The following CHCHD3 variants were observed in gnomAD, a reference collection of about 807,000 sequenced individuals.
The protein encoded by CHCHD3 is MICOS complex subunit MIC19.
Under a neutral mutation model 38.2 loss-of-function variants are expected in CHCHD3, and 20 were observed. The ratio of observed to expected loss-of-function variants is 0.52; its 90% CI spans 0.37 to 0.76. The LOEUF (loss-of-function observed/expected upper bound fraction) is 0.76. Among genes scored for constraint, CHCHD3 ranks in the 30% least tolerant of loss-of-function variants. The pLI is 0.00. For synonymous variants in CHCHD3, 82 were observed against 100.0 expected (o/e 0.82, Z 1.07); for missense variants, 245 against 279.2 (o/e 0.88, Z 0.87).
intron 3 of CHCHD3, among the ~76,000 whole-genome samples, chr7:132,986,008 T>C (rs907292005): frequency 2.6e-5 from 4 of 151,530 alleles, no homozygotes; most frequent in African/African-American, 4.9e-5. Flanking sequence ...GGTTGCCATG[T>C]CTGTGTAGAA....
intron 4 of CHCHD3, among the ~76,000 whole-genome samples, chr7:132,907,856 C>T (rs1421613776): frequency 6.6e-6 from 1 of 151,932 alleles, no homozygotes; most frequent in African/African-American, 2.4e-5. Context: ...TTCTACCAGC[C>T]CTTTCTAAAT....
At chr7:133,034,738 C>T (rs1489298934) in intron 2 of CHCHD3, 5 of 1,613,386 alleles carry the variant, frequency 3.1e-6, no homozygotes, top group Admixed American at 1.7e-5. Flanking sequence ...GTGTATGACT[C>T]GTAGTCCACC....
chr7:132,855,744 T>C (rs1808330212), intron 5 of CHCHD3, among the ~76,000 whole-genome samples: 1 of 152,100 alleles, frequency 6.6e-6, no homozygotes, highest in Admixed American at 6.6e-5. Context: ...GTCCAGCTTC[T>C]ATTTGGTGGC....
chr7:133,070,365 A>C (rs1443019296), intron 1 of CHCHD3, 136 bp from the exon 2 acceptor site: 4 of 653,758 alleles, frequency 6.1e-6, no homozygotes, highest in Non-Finnish European at 1.1e-5. Flanking sequence ...TAAATCTAAC[A>C]GCCATAAAAC....
At chr7:132,992,199 C>A (rs186263675) in intron 3 of CHCHD3, among the ~76,000 whole-genome samples, 2 of 152,206 alleles carry the variant, frequency 1.3e-5, no homozygotes, top group Non-Finnish European at 2.9e-5. Flanking sequence ...AGCAGCAGCA[C>A]TTGCTCCTGC....
intron 4 of CHCHD3, among the ~76,000 whole-genome samples, chr7:132,938,397 C>G (rs58781706): frequency 0.051 from 7,780 of 152,136 alleles, 426 homozygotes; most frequent in African/African-American, 0.13. Context: ...CCCAAATGAA[C>G]ACGTAATACA....
intron 5 of CHCHD3, among the ~76,000 whole-genome samples, chr7:132,843,256 T>TCA (rs1361173125): frequency 6.6e-6 from 1 of 151,880 alleles, no homozygotes. Context: ...TGCTTCAGAG[T>TCA]CACTTATGGA....
chr7:133,012,553 T>C (rs542126680), intron 3 of CHCHD3, among the ~76,000 whole-genome samples: 7 of 152,094 alleles, frequency 4.6e-5, no homozygotes, highest in Middle Eastern at 6.8e-3. Flanking sequence ...GGCTTGAGCC[T>C]AAGAGTTCGA....
At chr7:133,027,747 C>A (rs1038348603) in intron 2 of CHCHD3, among the ~76,000 whole-genome samples, 1 of 151,944 alleles carries the variant, frequency 6.6e-6, no homozygotes, top group Non-Finnish European at 1.5e-5. Flanking sequence ...CTTAGGAAAC[C>A]CCTAGAACAG....
chr7:133,049,365 C>T (rs1028810912), intron 2 of CHCHD3, among the ~76,000 whole-genome samples: 5 of 152,202 alleles, frequency 3.3e-5, no homozygotes, highest in Admixed American at 2.6e-4. Flanking sequence ...GGAAAGAAAT[C>T]TGATTCAGAT....
At chr7:132,996,738 C>T (rs571069222) in intron 3 of CHCHD3, among the ~76,000 whole-genome samples, 1 of 152,256 alleles carries the variant, frequency 6.6e-6, no homozygotes, top group South Asian at 2.1e-4. Flanking sequence ...GAAGAGGCAG[C>T]GGTGCGATGC....
intron 4 of CHCHD3, among the ~76,000 whole-genome samples, chr7:132,905,637 C>T (rs1809783663): frequency 6.6e-6 from 1 of 152,100 alleles, no homozygotes; most frequent in Admixed American, 6.5e-5. Flanking sequence ...AAAAACTTAC[C>T]TGTAAATAAG....
chr7:132,939,467 C>T (rs950682776), intron 4 of CHCHD3, among the ~76,000 whole-genome samples: 1 of 152,118 alleles, frequency 6.6e-6, no homozygotes, highest in East Asian at 1.9e-4. Context: ...GTATTAAGTA[C>T]AGGAATCTGC....
chr7:132,911,602 T>C (rs1463089316), intron 4 of CHCHD3, among the ~76,000 whole-genome samples: 1 of 152,264 alleles, frequency 6.6e-6, no homozygotes, highest in Non-Finnish European at 1.5e-5. Context: ...ACAAGTAGCA[T>C]GTACCGTTAT....
At chr7:132,980,699 T>C (rs1811895277) in intron 3 of CHCHD3, among the ~76,000 whole-genome samples, 2 of 152,170 alleles carry the variant, frequency 1.3e-5, no homozygotes, top group Admixed American at 1.3e-4. Flanking sequence ...GCAAAATGAA[T>C]TCCTAAAAGC....
intron 3 of CHCHD3, among the ~76,000 whole-genome samples, chr7:132,982,466 G>A (rs1811944365): frequency 6.6e-6 from 1 of 152,084 alleles, no homozygotes; most frequent in African/African-American, 2.4e-5. Flanking sequence ...TGTATTTTTA[G>A]TAAAGACAAG....
intron 4 of CHCHD3, among the ~76,000 whole-genome samples, chr7:132,908,768 T>C (rs1379109967): frequency 3.3e-5 from 5 of 152,230 alleles, no homozygotes; most frequent in Non-Finnish European, 7.3e-5. Flanking sequence ...GGAAAGCTGC[T>C]TCTAAATAAC....
chr7:132,821,604 C>T (rs1486331532), intron 6 of CHCHD3, among the ~76,000 whole-genome samples: 1 of 152,078 alleles, frequency 6.6e-6, no homozygotes, highest in Non-Finnish European at 1.5e-5. Flanking sequence ...GTATATTAAA[C>T]ATTTGCTCTT....
chr7:132,825,842 A>G (rs1413478951), intron 6 of CHCHD3, among the ~76,000 whole-genome samples: 1 of 152,184 alleles, frequency 6.6e-6, no homozygotes, highest in Non-Finnish European at 1.5e-5. Context: ...GTAACAGATC[A>G]AGGATCGATA....
Sources: gnomAD v4.1 joint callset for allele counts (sites outside exome capture counted in the v4.1 genomes callset) on GRCh38, gnomAD v4.1.1 for gene constraint, MANE v1.5 for transcripts, NCBI Gene and HGNC (gene_info 2026-07-23, HGNC 2026-07-21) for gene names.